Variants in GRM6 observed in about 807,000 individuals in gnomAD.
GRM6 encodes metabotropic glutamate receptor 6.
GRM6 carries 73 observed loss-of-function variants against 78.4 expected under a neutral mutation model. That is an observed-to-expected ratio of 0.93 (90% CI 0.77 to 1.13). The LOEUF (loss-of-function observed/expected upper bound fraction) is 1.13, where lower values mean the gene tolerates loss of function less well. Ranked by LOEUF, GRM6 falls within the 50% of genes most tolerant of loss-of-function variation. GRM6 has a pLI of 0.00. For synonymous variants in GRM6, 580 were observed against 555.0 expected (o/e 1.05, Z -0.63); for missense variants, 1,251 against 1,256.4 (o/e 1.00, Z 0.07).
At position 178,992,497 on chromosome 5, in the gene GRM6, A is replaced by G; in HGVS notation, c.505-414T>C. 1 of 358,782 alleles carries G rather than the reference A, an allele frequency of 2.8e-6. No individual in the cohort carries two copies. Among genetic ancestry groups the G allele is most frequent in the South Asian group, 2.1e-5 (1 of 46,794 alleles). 22.2% of individuals were successfully genotyped at this position (358,782 alleles called of 1,614,324 possible). ...TGATTCACACCAAGGGGTGGTCCGC[A>G]GGGACAGGCAGCCCTAGGAGGGATT... is the stretch of plus-strand genomic sequence containing the variant. On this transcript the variant is annotated intron_variant, in intron 2 of 10. Coordinates refer to ENST00000517717, the MANE Select transcript of GRM6 (RefSeq NM_000843.4). The surrounding 1 kb of genome is among the most constrained non-coding windows in gnomAD (Gnocchi z 4.9).
In GRM6 at chr5:178,992,306, C is replaced by G. The variant is rs1455466129; in HGVS notation, c.505-223G>C. 1.5e-6 allele frequency: 1 copy of G among 669,414 alleles called. No individual in the cohort carries two copies. Among genetic ancestry groups the G allele is most frequent in the Non-Finnish European group, 2.8e-6 (1 of 363,034 alleles). 41.5% of individuals were successfully genotyped at this position (669,414 alleles called of 1,614,324 possible). On this transcript the variant is annotated intron_variant, in intron 2 of 10. Coordinates refer to ENST00000517717, the MANE Select transcript of GRM6 (RefSeq NM_000843.4). This position sits in a 1 kb window ranked among gnomAD's most constrained non-coding sequence, Gnocchi z 4.9. ...GTTTTGCGAGTGGGCCTGAGAATTC[C>G]GTGAATGCTGTGCAGGTGGGAGGTA...
In GRM6 at chr5:178,991,482, G is replaced by C; in HGVS notation, c.799C>G (p.Leu267Val). 1 of 1,613,236 alleles carries C rather than the reference G, an allele frequency of 6.2e-7. No homozygotes were observed. The highest frequency in any genetic ancestry group is 8.5e-7 in the Non-Finnish European group (1 of 1,179,444). ...PGEFSKVIRR[L>V]METPNARGII... ...CCCCGGGCGTTGGGCGTCTCCATGA[G>C]TCTCCTGATCACCTTGCTGAACTCT... is the stretch of plus-strand genomic sequence containing the variant. Residue 267 changes from leucine to valine, a missense_variant, in exon 4 of 11, where the codon CTC becomes GTC. Coordinates refer to ENST00000517717, the MANE Select transcript of GRM6 (RefSeq NM_000843.4). The surrounding 1 kb of genome is among the most constrained non-coding windows in gnomAD (Gnocchi z 5.0).
At chr5:178,984,924 C>T (rs543321905) in intron 9 of GRM6, among the ~76,000 whole-genome samples, 2 of 152,118 alleles carry the variant, frequency 1.3e-5, no homozygotes, top group Non-Finnish European at 2.9e-5. Context: ...GGTCACCCTC[C>T]CCAAGCCATC....
rs752617366 is a variant in GRM6 at position 178,994,696 on chromosome 5, G to A, written c.249C>T (p.Pro83=). Residue 83 remains proline, a synonymous_variant, in exon 2 of 11, where the codon CCC becomes CCT. Coordinates refer to ENST00000517717, the MANE Select transcript of GRM6 (RefSeq NM_000843.4). ...CCAGGCGCACGCCGGGCAGCAGCTC[G>A]GGGTCGGCGTTGACGCGGTCCAGCG... The part of the protein sequence containing the change: ...LYALDRVNAD[P]ELLPGVRLGA... The A allele has an allele frequency of 2.0e-6, 3 of 1,469,382 alleles. No homozygotes were observed. The highest frequency in any genetic ancestry group is 1.3e-5 in the South Asian group (1 of 78,788). 91.0% of individuals were successfully genotyped at this position (1,469,382 alleles called of 1,614,324 possible).
chr5:178,988,799 C>G lies in GRM6; in HGVS notation c.1354+136G>C. On this transcript the variant is annotated intron_variant, in intron 7 of 10. Transcript: ENST00000517717. The surrounding 1 kb of genome is among the most constrained non-coding windows in gnomAD (Gnocchi z 6.0). ...ACCGGAACTTGTCTCATGTCTTTGGCACTCAGCCCCAGGCACCCCCATTAG... is the reference window on the plus strand; with the variant it reads ...ACCGGAACTTGTCTCATGTCTTTGGGACTCAGCCCCAGGCACCCCCATTAG... 1 of 691,424 alleles carries G rather than the reference C, an allele frequency of 1.4e-6. No homozygotes were observed. The highest frequency in any genetic ancestry group is 2.7e-5 in the East Asian group (1 of 36,884). 42.8% of individuals were successfully genotyped at this position (691,424 alleles called of 1,614,324 possible).
Position 178,994,421 on chromosome 5 carries a change from C to T in GRM6, c.504+20G>A. Reference sequence around the variant, plus strand: ...CGGGAGAGGGACGCTGGACACCGAGCCCGGCCCCGCGGCCCTCACCGCAAA... The same window carrying T: ...CGGGAGAGGGACGCTGGACACCGAGTCCGGCCCCGCGGCCCTCACCGCAAA... On this transcript the variant is annotated intron_variant, in intron 2 of 10. Transcript: ENST00000517717. 6.7e-7 allele frequency: 1 copy of T among 1,488,560 alleles called. No homozygotes were observed. Among genetic ancestry groups the T allele is most frequent in the Non-Finnish European group, 8.9e-7 (1 of 1,124,828 alleles). 92.2% of individuals were successfully genotyped at this position (1,488,560 alleles called of 1,614,324 possible). A position where few individuals can be genotyped will look rare whatever the true frequency, so the allele number is the denominator to read the frequency against.
chr5:178,989,341 C>A lies in GRM6; in HGVS notation c.1077G>T (p.Glu359Asp). Reference sequence around the variant, plus strand: ...TGCAGTTAAAATTCTCTTCCCAGAACTCGGCGAACCAGATGTTCCTGCGGT... The same window carrying A: ...TGCAGTTAAAATTCTCTTCCCAGAAATCGGCGAACCAGATGTTCCTGCGGT... ...ENNRRNIWFAEFWEENFNCKL... is the reference protein window; with the variant it reads ...ENNRRNIWFADFWEENFNCKL... Residue 359 changes from glutamate (E) to aspartate (D), a missense_variant, in exon 6 of 11, where the codon GAG becomes GAT. Coordinates refer to ENST00000517717, the MANE Select transcript of GRM6 (RefSeq NM_000843.4). 1 of 1,613,840 alleles carries A rather than the reference C, an allele frequency of 6.2e-7. No homozygotes were observed. Among genetic ancestry groups the A allele is most frequent in the Non-Finnish European group, 8.5e-7 (1 of 1,179,962 alleles).
chr5:178,985,479 G>A lies in GRM6; in HGVS notation c.2124+651C>T, dbSNP rs546892271. 1,370 of 340,440 alleles carry A rather than the reference G, an allele frequency of 4.0e-3. 11 individuals are homozygous for A. Among genetic ancestry groups the A allele is most frequent in the Non-Finnish European group, 3.9e-3 (676 of 174,218 alleles). 21.1% of individuals were successfully genotyped at this position (340,440 alleles called of 1,614,324 possible). On this transcript the variant is annotated intron_variant, in intron 9 of 10. Coordinates refer to ENST00000517717, the MANE Select transcript of GRM6 (RefSeq NM_000843.4). ...AGCACTTTGGGAGGCCGAGGTGGGCGGATCACGAGGTCAGGAGATCGAGAC... is the reference window on the plus strand; with the variant it reads ...AGCACTTTGGGAGGCCGAGGTGGGCAGATCACGAGGTCAGGAGATCGAGAC...
At chr5:178,994,223 C>T (rs1259344953) in intron 2 of GRM6, among the ~76,000 whole-genome samples, 1 of 152,240 alleles carries the variant, frequency 6.6e-6, no homozygotes, top group African/African-American at 2.4e-5. Flanking sequence ...AAGGGGCGCC[C>T]TCGCGGGGCG....
In GRM6 at chr5:178,981,610, G is replaced by C. The variant is rs960618472; in HGVS notation, c.*47C>G. 2 of 1,443,100 alleles carry C rather than the reference G, an allele frequency of 1.4e-6. No homozygotes were observed. Among genetic ancestry groups the C allele is most frequent in the African/African-American group, 2.8e-5 (2 of 71,564 alleles). The allele number at this position is 1,443,100 out of a possible 1,614,324, so 89.4% of individuals were successfully genotyped here. A position where few individuals can be genotyped will look rare whatever the true frequency, so the allele number is the denominator to read the frequency against. On this transcript the variant is annotated 3_prime_UTR_variant, in exon 11 of 11. Coordinates refer to ENST00000517717, the MANE Select transcript of GRM6 (RefSeq NM_000843.4). This position sits in a 1 kb window ranked among gnomAD's most constrained non-coding sequence, Gnocchi z 5.1. ...CTATACAGCTTCCACCTCGAGGCAA[G>C]AGGAAGAAAGGAGAGGCAGCAAGCA...
Position 178,990,705 on chromosome 5 carries a change from T to A in GRM6, c.899A>T (p.His300Leu). ...GCTGTCTGAGCCGACCCACAGGAAG[T>A]GGCCGGTCAGGTTGGCCTGGCGAGC... ...EAARQANLTG[H>L]FLWVGSDSWG... Residue 300 changes from histidine to leucine, a missense_variant, in exon 5 of 11, where the codon CAC (histidine) becomes CTC (leucine). His to Leu is a moderately conservative substitution (Grantham distance 99). Transcript: ENST00000517717. 6.3e-7 allele frequency: 1 copy of A among 1,591,546 alleles called. No individual in the cohort carries two copies. Among genetic ancestry groups the A allele is most frequent in the Non-Finnish European group, 8.5e-7 (1 of 1,170,076 alleles).
intron 7 of GRM6, 147 bp from the exon 8 acceptor site, chr5:178,987,130 T>C: frequency 1.2e-6 from 1 of 813,352 alleles, no homozygotes; most frequent in Non-Finnish European, 2.0e-6. Flanking sequence ...CGCAGGGAGA[T>C]CCCCCTTCAC....
At chr5:178,993,636 C>A (rs1760721216) in intron 2 of GRM6, among the ~76,000 whole-genome samples, 1 of 152,178 alleles carries the variant, frequency 6.6e-6, no homozygotes, top group African/African-American at 2.4e-5. Context: ...CAGGCCCCTC[C>A]CGCCACAGAA....
chr5:178,985,613 G>T (rs1213106439), intron 9 of GRM6: 73 of 357,784 alleles, frequency 2.0e-4, no homozygotes, highest in Admixed American at 1.7e-3. Flanking sequence ...TGAGGCAGGA[G>T]AATGGCGTGA....
rs557180793 is a variant in GRM6 at position 178,989,122 on chromosome 5, G to T, written c.1167C>A (p.Ile389=). The T allele has an allele frequency of 1.2e-6, 2 of 1,613,938 alleles. No homozygotes were observed. Among genetic ancestry groups the T allele is most frequent in the Admixed American group, 3.3e-5 (2 of 60,006 alleles). ...CCTGCTCGTAGGTGGAGTCCCGGCC[G>T]ATGCGTTCCTCGCCTGTCCTAGGGA... ...STRKCTGEER[I]GRDSTYEQEG... Residue 389 remains isoleucine (I), a synonymous_variant, in exon 7 of 11, where the codon ATC becomes ATA. Coordinates refer to ENST00000517717, the MANE Select transcript of GRM6 (RefSeq NM_000843.4).
rs952227189 is a variant in GRM6 at position 178,992,585 on chromosome 5, A to G, written c.505-502T>C. On this transcript the variant is annotated intron_variant, in intron 2 of 10. Transcript: ENST00000517717. The surrounding 1 kb of genome is among the most constrained non-coding windows in gnomAD (Gnocchi z 4.9). ...AAGCTGTGTCTGGCCTAGGATGGGG[A>G]TTGTTGGAAACTGGGTTTCTCTGCA... Among the ~76,000 whole-genome samples the G allele has an allele frequency of 1.3e-5, 2 of 152,056 alleles. No homozygotes were observed. Among genetic ancestry groups the G allele is most frequent in the East Asian group, 3.9e-4 (2 of 5,184 alleles).
Position 178,982,905 on chromosome 5 carries a change from A to G in GRM6, c.2436+5T>C. On this transcript the variant is annotated splice_donor_5th_base_variant and intron_variant, in intron 10 of 10. Transcript: ENST00000517717. ...GGCAGCGAGACCTCCTGGGGACCTCATTACCTTTTCAGCTGACTGGGCAGT... is the reference window on the plus strand; with the variant it reads ...GGCAGCGAGACCTCCTGGGGACCTCGTTACCTTTTCAGCTGACTGGGCAGT... The G allele has an allele frequency of 1.2e-6, 2 of 1,610,696 alleles. No homozygotes were observed. The highest frequency in any genetic ancestry group is 1.7e-6 in the Non-Finnish European group (2 of 1,176,904).
chr5:178,993,540 G>A (rs976466075), intron 2 of GRM6, among the ~76,000 whole-genome samples: 3 of 152,148 alleles, frequency 2.0e-5, no homozygotes, highest in Non-Finnish European at 2.9e-5. Context: ...GCGCCCGGGA[G>A]TCGGAGAAGC....
chr5:178,990,574 G>T lies in GRM6; in HGVS notation c.1012+18C>A. On this transcript the variant is annotated intron_variant, in intron 5 of 10. Transcript: ENST00000517717. ...GGGGAGACGTGTGGGGTGGGGGATG[G>T]AGTGCCCCTGGACTCACCGTCGATG... 1 of 1,604,292 alleles carries T rather than the reference G, an allele frequency of 6.2e-7. No homozygotes were observed. The highest frequency in any genetic ancestry group is 8.5e-7 in the Non-Finnish European group (1 of 1,172,034).
Sources: gnomAD v4.1 joint callset for allele counts (sites outside exome capture counted in the v4.1 genomes callset) on GRCh38, gnomAD v4.1.1 for gene constraint, Gnocchi (gnomAD v3.1) non-coding constraint, MANE v1.5 for transcripts, NCBI Gene and HGNC (gene_info 2026-07-23, HGNC 2026-07-21) for gene names.